The following TAFA2 variants were observed in gnomAD, a reference collection of about 807,000 sequenced individuals.
The protein encoded by TAFA2 is TAFA chemokine like family member 2, also known as chemokine-like protein TAFA-2.
Under a neutral mutation model 18.8 loss-of-function variants are expected in TAFA2, and 7 were observed. The observed-to-expected ratio is 0.37, with a 90% CI of 0.21 to 0.70. TAFA2 has a LOEUF of 0.70. Ranked by LOEUF, TAFA2 falls within the 30% of genes least tolerant of loss-of-function variation. The pLI is 0.53. For synonymous variants in TAFA2, 60 were observed against 54.2 expected (o/e 1.11, Z -0.47); for missense variants, 122 against 158.1 (o/e 0.77, Z 1.23).
chr12:62,199,371 G>A (rs982227460), intron 1 of TAFA2, among the ~76,000 whole-genome samples: 2 of 151,988 alleles, frequency 1.3e-5, no homozygotes, highest in Non-Finnish European at 2.9e-5. Context: ...CCCTGCCAAC[G>A]CCATCAGGCC....
Position 62,202,821 on chromosome 12 carries a change from C to CTTTT in TAFA2, c.-130+55938_-130+55941dup, listed in dbSNP as rs71083986. Among the ~76,000 whole-genome samples the CTTTT allele has an allele frequency of 8.7e-3, 535 of 61,622 alleles. 114 individuals carry two copies. Among genetic ancestry groups the CTTTT allele is most frequent in the East Asian group, 0.063 (106 of 1,690 alleles). The allele number at this position is 61,622 out of a possible 152,430, so 40.4% of individuals were successfully genotyped here. ...TCAATTTACATGTAGCTGTGTGGTTCTTTTTTTTTTTTTTTTTTTTTTTTT... is the reference window on the plus strand; with the variant it reads ...TCAATTTACATGTAGCTGTGTGGTTCTTTTTTTTTTTTTTTTTTTTTTTTTTTTT... On this transcript the variant is annotated intron_variant, in intron 1 of 5. Coordinates refer to the TAFA2 transcript ENST00000551619.
chr12:61,726,400 A>G (rs1870169374), intron 4 of TAFA2, among the ~76,000 whole-genome samples: 1 of 152,048 alleles, frequency 6.6e-6, no homozygotes, highest in Non-Finnish European at 1.5e-5. Flanking sequence ...AGTGTCGTCT[A>G]TGATTTCTTT....
chr12:62,162,122 T>C (rs2062410973), intron 1 of TAFA2, among the ~76,000 whole-genome samples: 1 of 152,196 alleles, frequency 6.6e-6, no homozygotes, highest in African/African-American at 2.4e-5. Context: ...CAGGAATGTC[T>C]TTCTCAAGGA....
chr12:61,766,434 A>G lies in TAFA2; in HGVS notation c.107-11410T>C, dbSNP rs1869793113. ...GCCAAGTCCATCTCCCTGTTTCTTG[A>G]TTCCTTGCCCTCTTTTAATCTTTCA... On this transcript the variant is annotated intron_variant, in intron 2 of 4. Transcript: ENST00000416284. Among the ~76,000 whole-genome samples, 3 of 152,012 alleles carry G rather than the reference A, an allele frequency of 2.0e-5. No individual in the cohort carries two copies. The South Asian group carries it at 6.2e-4, about 32-fold the overall frequency.
intron 2 of TAFA2, among the ~76,000 whole-genome samples, chr12:61,836,756 TACACACACACACAC>T (rs58707678): frequency 8.3e-5 from 10 of 119,812 alleles, no homozygotes; most frequent in East Asian, 2.7e-4. Context: ...TATATATATA[TACACACACACACAC>T]AAATACATAT....
At chr12:62,036,674 T>A (rs2136753749) in intron 1 of TAFA2, among the ~76,000 whole-genome samples, 1 of 152,344 alleles carries the variant, frequency 6.6e-6, no homozygotes, top group Non-Finnish European at 1.5e-5. Context: ...AAATGGAAAT[T>A]ATTACAATGT....
chr12:61,921,312 C>G (rs912354359), intron 1 of TAFA2, among the ~76,000 whole-genome samples: 2 of 152,064 alleles, frequency 1.3e-5, no homozygotes, highest in Non-Finnish European at 2.9e-5. Context: ...CTGGCTTAGG[C>G]CAGAGTGGTA....
chr12:61,856,554 A>C (rs927320709), intron 2 of TAFA2, among the ~76,000 whole-genome samples: 1 of 152,052 alleles, frequency 6.6e-6, no homozygotes, highest in East Asian at 1.9e-4. Flanking sequence ...AGAGGTTTAC[A>C]ATTTGACAAC....
rs1374187328 is a variant in TAFA2, at chr12:62,010,988, G to A, written c.-1-143562C>T. On this transcript the variant is annotated intron_variant, in intron 1 of 4. Coordinates refer to ENST00000416284, the MANE Select transcript of TAFA2 (RefSeq NM_178539.5). ...TGGGAGGTGGGGGGCGCCTCTGCCC[G>A]GCCACCCCGTCTGGGAAGTGGGGGG... Among the ~76,000 whole-genome samples, 3 of 122,900 alleles carry A rather than the reference G, an allele frequency of 2.4e-5. 1 individual carries two copies. The highest frequency in any genetic ancestry group is 5.6e-4 in the East Asian group (2 of 3,570). 80.6% of individuals were successfully genotyped at this position (122,900 alleles called of 152,430 possible). A position where few individuals can be genotyped will look rare whatever the true frequency, so the allele number is the denominator to read the frequency against.
At chr12:62,092,552 C>T (rs1009753687) in intron 1 of TAFA2, among the ~76,000 whole-genome samples, 2 of 151,970 alleles carry the variant, frequency 1.3e-5, no homozygotes, top group Non-Finnish European at 2.9e-5. Flanking sequence ...CATTTGACTT[C>T]TAGAATACCA....
chr12:62,140,139 A>G (rs2062227791), intron 1 of TAFA2: 1 of 152,136 alleles, frequency 6.6e-6, no homozygotes, highest in African/African-American at 2.4e-5. Context: ...AAGTTGGCAG[A>G]TTTTACTGTA....
chr12:62,193,896 G>T (rs562160042), upstream of TAFA2, among the ~76,000 whole-genome samples: 126 of 152,270 alleles, frequency 8.3e-4, 1 homozygote, highest in African/African-American at 2.6e-3. Flanking sequence ...AGAAAGAAAA[G>T]AATGTATTTT....
chr12:61,873,305 A>T (rs1874701074), intron 1 of TAFA2, among the ~76,000 whole-genome samples: 1 of 150,736 alleles, frequency 6.6e-6, no homozygotes, highest in Non-Finnish European at 1.5e-5. Context: ...ATTAATTTTT[A>T]TTATTATTAT....
intron 2 of TAFA2, among the ~76,000 whole-genome samples, chr12:61,858,421 A>G (rs1322066913): frequency 6.6e-6 from 1 of 152,166 alleles, no homozygotes; most frequent in Non-Finnish European, 1.5e-5. Flanking sequence ...AAATATTATT[A>G]CATGTGAACA....
At chr12:62,212,640 CT>C (rs1219133351) in intron 1 of TAFA2, among the ~76,000 whole-genome samples, 1 of 152,140 alleles carries the variant, frequency 6.6e-6, no homozygotes, top group Admixed American at 6.6e-5. Flanking sequence ...AATTGCTTTC[CT>C]TTGAAACCCT....
chr12:61,879,281 T>C (rs1265099357), intron 1 of TAFA2: 2 of 426,902 alleles, frequency 4.7e-6, no homozygotes, highest in Non-Finnish European at 8.4e-6. Context: ...AATCTCCGCC[T>C]GGTTGGGGCC....
At chr12:61,869,856 C>T (rs1874521158) in intron 1 of TAFA2, among the ~76,000 whole-genome samples, 1 of 152,054 alleles carries the variant, frequency 6.6e-6, no homozygotes, top group Admixed American at 6.6e-5. Flanking sequence ...GCATCTAATC[C>T]CTGCAACATT....
At chr12:61,801,700 C>A (rs1871404008) in intron 2 of TAFA2, among the ~76,000 whole-genome samples, 1 of 151,924 alleles carries the variant, frequency 6.6e-6, no homozygotes, top group Admixed American at 6.6e-5. Context: ...TTGGTTGAGC[C>A]AAAGATTTTA....
chr12:62,004,614 G>A (rs1389916043), intron 1 of TAFA2, among the ~76,000 whole-genome samples: 1 of 152,060 alleles, frequency 6.6e-6, no homozygotes, highest in East Asian at 1.9e-4. Flanking sequence ...GGTATAAATT[G>A]TCTTTAAGAT....
Sources: gnomAD v4.1 joint callset for allele counts (sites outside exome capture counted in the v4.1 genomes callset) on GRCh38, gnomAD v4.1.1 for gene constraint, MANE v1.5 for transcripts, NCBI Gene and HGNC (gene_info 2026-07-23, HGNC 2026-07-21) for gene names.